The following SPAG11A variants were observed in gnomAD, a reference collection of about 807,000 sequenced individuals.
The protein encoded by SPAG11A is sperm associated antigen 11A.
Under a neutral mutation model 5.5 loss-of-function variants are expected in SPAG11A, and 2 were observed. The ratio of observed to expected loss-of-function variants is 0.37; its 90% CI spans 0.15 to 1.15. The LOEUF is 1.15. SPAG11A is among the 50% of genes most tolerant of loss of function. The pLI is 0.38. For missense variants in SPAG11A, 24 were observed against 122.5 expected (o/e 0.20, Z 3.80); for synonymous variants, 11 against 42.7 (o/e 0.26, Z 2.90).
At chr8:7,863,213 ATTTTTTT>A (rs869056010), downstream of SPAG11A, among the ~76,000 whole-genome samples, 3 of 7,534 alleles carry the variant, frequency 4.0e-4, no homozygotes, top group African/African-American at 6.1e-4. Context: ...TGCAGATGGG[ATTTTTTT>A]TTTTTTTTTT....
intron 2 of SPAG11A, among the ~76,000 whole-genome samples, chr8:7,860,068 G>A (rs1390865273): frequency 6.6e-6 from 1 of 150,536 alleles, no homozygotes; most frequent in Non-Finnish European, 1.5e-5. Flanking sequence ...GTCATCGTAC[G>A]TAGCATTTGC....
At chr8:7,861,145 GCT>G (rs1319197537), downstream of SPAG11A, among the ~76,000 whole-genome samples, 1 of 74,358 alleles carries the variant, frequency 1.3e-5, no homozygotes, top group African/African-American at 3.3e-5. Flanking sequence ...CCAATCTGCT[GCT>G]CTGTTTTCCA....
intron 2 of SPAG11A, among the ~76,000 whole-genome samples, chr8:7,852,283 A>G (rs1459656001): frequency 6.6e-6 from 1 of 152,208 alleles, no homozygotes; most frequent in Non-Finnish European, 1.5e-5. Flanking sequence ...TGTAAAATTT[A>G]ATAGTTTTAC....
chr8:7,862,846 CT>C (rs1244451962), downstream of SPAG11A, among the ~76,000 whole-genome samples: 1 of 98,662 alleles, frequency 1.0e-5, no homozygotes, highest in Non-Finnish European at 2.2e-5. Flanking sequence ...GCTCTGTTCC[CT>C]TTTTAATTTT....
downstream of SPAG11A, chr8:7,863,591 G>T (rs1818280448): frequency 6.2e-7 from 1 of 1,603,828 alleles, no homozygotes; most frequent in South Asian, 1.1e-5. Flanking sequence ...TGACCGCAGG[G>T]TGGCCCAGGT....
At chr8:7,860,178 G>C (rs1205247159) in intron 2 of SPAG11A, among the ~76,000 whole-genome samples, 1 of 148,808 alleles carries the variant, frequency 6.7e-6, no homozygotes, top group Non-Finnish European at 1.5e-5. Flanking sequence ...AAGCCCACAG[G>C]TCCTGGTGAG....
intron 2 of SPAG11A, chr8:7,860,290 G>T (rs1818160259): frequency 2.2e-6 from 3 of 1,391,884 alleles, no homozygotes; most frequent in African/African-American, 1.4e-5. Context: ...TAGAGACCAA[G>T]ACCTGTCCTA....
At chr8:7,852,637 T>A (rs1231203587) in intron 2 of SPAG11A, among the ~76,000 whole-genome samples, 1 of 152,026 alleles carries the variant, frequency 6.6e-6, no homozygotes, top group Middle Eastern at 3.2e-3. Context: ...CCGGCCAGGT[T>A]ACCGCTTTAT....
At chr8:7,857,443 CTTT>C (rs746499721) in intron 2 of SPAG11A, among the ~76,000 whole-genome samples, 7 of 44,698 alleles carry the variant, frequency 1.6e-4, no homozygotes, top group East Asian at 6.3e-4. Flanking sequence ...TTCTTTCTTT[CTTT>C]TTTTTTTTTT....
intron 2 of SPAG11A, among the ~76,000 whole-genome samples, chr8:7,854,778 T>TA (rs1422310560): frequency 1.3e-5 from 1 of 78,920 alleles, no homozygotes; most frequent in South Asian, 5.8e-4. Context: ...TTACAGACGT[T>TA]AAAAAAACAA....
chr8:7,852,586 G>T (rs565120243), intron 2 of SPAG11A, among the ~76,000 whole-genome samples: 2 of 147,186 alleles, frequency 1.4e-5, no homozygotes, highest in Admixed American at 6.8e-5. Context: ...GTCCGCCTCG[G>T]CCTCCCGAAG....
intron 2 of SPAG11A, among the ~76,000 whole-genome samples, chr8:7,852,453 CT>C (rs1215109177): frequency 2.6e-5 from 4 of 152,150 alleles, no homozygotes; most frequent in African/African-American, 9.7e-5. Flanking sequence ...CTGCCTCAGC[CT>C]TCCTAAGTAG....
intron 2 of SPAG11A, among the ~76,000 whole-genome samples, chr8:7,857,443 C>CTTTTTTTTTTTTT (rs746499721): frequency 6.7e-5 from 3 of 44,680 alleles, no homozygotes; most frequent in African/African-American, 1.2e-4. Context: ...TTCTTTCTTT[C>CTTTTTTTTTTTTT]TTTTTTTTTT....
At chr8:7,852,669 C>T (rs1336283938) in intron 2 of SPAG11A, among the ~76,000 whole-genome samples, 5 of 151,334 alleles carry the variant, frequency 3.3e-5, no homozygotes, top group African/African-American at 1.2e-4. Flanking sequence ...TACATGTGCT[C>T]CTTTTATATC....
At chr8:7,860,303 C>G (rs753518806) in intron 2 of SPAG11A, 27 of 1,413,638 alleles carry the variant, frequency 1.9e-5, no homozygotes, top group Admixed American at 1.9e-5. Context: ...CTGTCCTATT[C>G]TGGACCACTT....
intron 2 of SPAG11A, among the ~76,000 whole-genome samples, chr8:7,852,618 C>G (rs1170251329): frequency 5.3e-5 from 8 of 152,234 alleles, no homozygotes; most frequent in African/African-American, 1.4e-4. Context: ...CAGGCGTGAG[C>G]CACCGCGCCC....
chr8:7,862,654 GTA>G (rs1818251637), downstream of SPAG11A, among the ~76,000 whole-genome samples: 2 of 13,518 alleles, frequency 1.5e-4, 1 homozygote, highest in South Asian at 0.25. Context: ...GTAAGGCATG[GTA>G]AAAAAACTAG....
intron 2 of SPAG11A, among the ~76,000 whole-genome samples, chr8:7,852,652 A>T (rs1470116034): frequency 2.0e-5 from 3 of 151,768 alleles, no homozygotes; most frequent in Non-Finnish European, 4.4e-5. Flanking sequence ...CTTTATTCTT[A>T]TCCATGTACA....
chr8:7,860,158 T>G (rs553968988), intron 2 of SPAG11A, among the ~76,000 whole-genome samples: 1,481 of 147,858 alleles, frequency 0.01, 5 homozygotes, highest in African/African-American at 0.034. Context: ...GGTGGTCATT[T>G]GTGACTTACA....
Sources: gnomAD v4.1 joint callset for allele counts (sites outside exome capture counted in the v4.1 genomes callset) on GRCh38, gnomAD v4.1.1 for gene constraint, MANE v1.5 for transcripts, NCBI Gene and HGNC (gene_info 2026-07-23, HGNC 2026-07-21) for gene names.